The following CEP152 variants were observed in gnomAD, a reference collection of about 807,000 sequenced individuals.
The protein encoded by CEP152 is centrosomal protein of 152 kDa.
Under a neutral mutation model 188.9 loss-of-function variants are expected in CEP152, and 132 were observed. The observed-to-expected ratio is 0.70, with a 90% CI of 0.61 to 0.81. CEP152 has a LOEUF of 0.81. CEP152 is among the 30% of genes least tolerant of loss of function. CEP152 has a pLI of 0.00. For missense variants in CEP152, 1,914 were observed against 1,969.8 expected (o/e 0.97, Z 0.54); for synonymous variants, 649 against 666.6 (o/e 0.97, Z 0.41).
chr15:48,741,381 G>A, intron 26 of CEP152: 1 of 1,381,390 alleles, frequency 7.2e-7, no homozygotes, highest in Non-Finnish European at 9.3e-7. Context: ...CATTTCGAGG[G>A]ATGGAAGCAG....
intron 13 of CEP152, among the ~76,000 whole-genome samples, chr15:48,769,910 A>G (rs1895403576): frequency 6.6e-6 from 1 of 152,214 alleles, no homozygotes; most frequent in South Asian, 2.1e-4. Flanking sequence ...TTTGCCTCCA[A>G]TGGCAGTGAT....
intron 17 of CEP152, among the ~76,000 whole-genome samples, chr15:48,766,679 C>T (rs1895127721): frequency 1.3e-5 from 2 of 152,096 alleles, no homozygotes; most frequent in Admixed American, 1.3e-4. Flanking sequence ...AGAAAAAGGG[C>T]TCTGAACGAA....
At chr15:48,739,396 T>C in intron 26 of CEP152, 108 bp from the exon 27 acceptor site, 1 of 1,402,272 alleles carries the variant, frequency 7.1e-7, no homozygotes, top group South Asian at 1.7e-5. Flanking sequence ...AAAATTTATG[T>C]TTTTATACTG....
chr15:48,745,094 T>G, intron 22 of CEP152, 102 bp from the exon 23 acceptor site: 1 of 777,416 alleles, frequency 1.3e-6, no homozygotes, highest in Admixed American at 3.3e-5. Context: ...GACTGTGCAA[T>G]TTCCAGTCGC....
intron 20 of CEP152, among the ~76,000 whole-genome samples, chr15:48,755,588 T>C (rs1037163634): frequency 1.3e-5 from 2 of 152,170 alleles, no homozygotes; most frequent in Non-Finnish European, 2.9e-5. Context: ...CATGGTGGTT[T>C]GCTGCACCTA....
At chr15:48,790,855 A>C (rs1896948585) in intron 8 of CEP152, among the ~76,000 whole-genome samples, 2 of 152,236 alleles carry the variant, frequency 1.3e-5, no homozygotes, top group South Asian at 2.1e-4. Flanking sequence ...GGCGTGAGCC[A>C]CTGCATCCGG....
At chr15:48,748,686 C>G in intron 21 of CEP152, 76 bp from the exon 22 acceptor site, 1 of 1,187,270 alleles carries the variant, frequency 8.4e-7, no homozygotes, top group Non-Finnish European at 1.1e-6. Context: ...AAAAAAAAGA[C>G]AGAAAGAAAA....
chr15:48,804,909 A>T (rs993867880), intron 2 of CEP152, among the ~76,000 whole-genome samples: 16 of 152,112 alleles, frequency 1.1e-4, no homozygotes, highest in Admixed American at 2.6e-4. Context: ...GCTCCACATG[A>T]TCTGTGGCAT....
Position 48,769,089 on chromosome 15 carries a change from T to C in CEP152, c.1783-8A>G, listed in dbSNP as rs760084200. The C allele has an allele frequency of 1.1e-5, 18 of 1,598,822 alleles. No homozygotes were observed. Among genetic ancestry groups the C allele is most frequent in the African/African-American group, 1.3e-5 (1 of 74,382 alleles). Reference sequence around the variant, plus strand: ...TGAGGTATCTGTTTTAGTCTGAATATTAAAAGGTCAAAAGTTTTACAAGTT... The same window carrying C: ...TGAGGTATCTGTTTTAGTCTGAATACTAAAAGGTCAAAAGTTTTACAAGTT... On this transcript the variant is annotated splice_polypyrimidine_tract_variant and splice_region_variant and intron_variant, in intron 13 of 26. Transcript: ENST00000380950.
chr15:48,774,953 G>A (rs1169503872), intron 12 of CEP152, among the ~76,000 whole-genome samples: 1 of 151,708 alleles, frequency 6.6e-6, no homozygotes, highest in Non-Finnish European at 1.5e-5. Context: ...AAAGAAAAGT[G>A]ATACAAGAAC....
At chr15:48,740,607 T>A (rs565693403) in intron 26 of CEP152, 1 of 150,252 alleles carries the variant, frequency 6.7e-6, no homozygotes, top group African/African-American at 2.4e-5. Context: ...TTTTGTTGGT[T>A]ACTCTTACTT....
intron 14 of CEP152, 144 bp from the exon 15 acceptor site, chr15:48,768,472 A>C: frequency 1.7e-6 from 1 of 605,800 alleles, no homozygotes; most frequent in Non-Finnish European, 2.9e-6. Flanking sequence ...ATTCTGCAAA[A>C]GAAAAAGTCT....
In CEP152 at chr15:48,765,636, A is replaced by ATTTTTT. The variant is rs34837739; in HGVS notation, c.2280+1418_2280+1423dup. Reference sequence around the variant, plus strand: ...GAAAATTCCTCTTATGTTCTTGCCAATTTTTTTTTTTTTTTTTTTTTTTTT... The same window carrying ATTTTTT: ...GAAAATTCCTCTTATGTTCTTGCCAATTTTTTTTTTTTTTTTTTTTTTTTTTTTTTT... On this transcript the variant is annotated intron_variant, in intron 17 of 26. Transcript: ENST00000380950. 526 of 189,404 alleles carry ATTTTTT rather than the reference A, an allele frequency of 2.8e-3. 15 individuals carry two copies. The highest frequency in any genetic ancestry group is 6.2e-3 in the African/African-American group (97 of 15,718). 11.7% of individuals were successfully genotyped at this position (189,404 alleles called of 1,614,324 possible).
At chr15:48,799,061 T>C (rs757715350) in intron 2 of CEP152, among the ~76,000 whole-genome samples, 15 of 152,148 alleles carry the variant, frequency 9.9e-5, no homozygotes, top group African/African-American at 3.6e-4. Context: ...CCAGTTTAAT[T>C]GACAGCTTGA....
chr15:48,777,729 C>T (rs1896013437), intron 12 of CEP152, among the ~76,000 whole-genome samples: 1 of 151,916 alleles, frequency 6.6e-6, no homozygotes, highest in African/African-American at 2.4e-5. Flanking sequence ...ATATAACTTC[C>T]TGTGCCATAA....
At chr15:48,793,260 T>A (rs1313140839) in intron 7 of CEP152, 61 bp downstream of exon 7, 31 of 1,591,786 alleles carry the variant, frequency 1.9e-5, no homozygotes, top group Non-Finnish European at 2.6e-5. Flanking sequence ...TAATCTGAGG[T>A]TATTGGAAAC....
In CEP152 at chr15:48,762,699, G is replaced by C. The variant is rs775587042; in HGVS notation, c.2281-27C>G. 3 of 1,609,230 alleles carry C rather than the reference G, an allele frequency of 1.9e-6. No homozygotes were observed. In the South Asian group the frequency reaches 3.3e-5, roughly 18 times the overall value. On this transcript the variant is annotated intron_variant, in intron 17 of 26. Coordinates refer to ENST00000380950, the MANE Select transcript of CEP152 (RefSeq NM_001194998.2). ...TGTTTTCAGAAGAAAAATCATACGA[G>C]AAGAACAATTTTCAAATAAGTAAAA...
intron 22 of CEP152, 69 bp from the exon 23 acceptor site, chr15:48,745,061 C>G: frequency 9.0e-7 from 1 of 1,106,080 alleles, no homozygotes; most frequent in East Asian, 2.7e-5. Context: ...CCTTAAGTTC[C>G]CAATACAAAT....
chr15:48,780,782 A>G (rs1896192047), intron 12 of CEP152, among the ~76,000 whole-genome samples: 2 of 152,164 alleles, frequency 1.3e-5, no homozygotes, highest in South Asian at 2.1e-4. Context: ...GACAGTTCCT[A>G]TCTCATCTTT....
Sources: gnomAD v4.1 joint callset for allele counts (sites outside exome capture counted in the v4.1 genomes callset) on GRCh38, gnomAD v4.1.1 for gene constraint, MANE v1.5 for transcripts, NCBI Gene and HGNC (gene_info 2026-07-23, HGNC 2026-07-21) for gene names.